Variants in NPC1 observed in about 807,000 individuals in gnomAD.
The protein encoded by NPC1 is NPC intracellular cholesterol transporter 1, also known as Niemann-Pick C1 protein.
NPC1 carries 85 observed loss-of-function variants against 140.4 expected under a neutral mutation model. The ratio of observed to expected loss-of-function variants is 0.61; its 90% confidence interval spans 0.51 to 0.72. The LOEUF is 0.72. Among genes scored for constraint, NPC1 ranks in the 30% least tolerant of loss-of-function variants. The pLI, the probability that NPC1 is intolerant of heterozygous loss-of-function variation, is 0.00. For missense variants in NPC1, 1,504 were observed against 1,623.8 expected, an observed-to-expected ratio of 0.93 and a Z score of 1.27; for synonymous variants, 656 against 624.8, an observed-to-expected ratio of 1.05 and a Z score of -0.74.
chr18:23,537,130 G>A (rs1269451885), intron 20 of NPC1, among the ~76,000 whole-genome samples: 3 of 152,140 alleles, frequency 2.0e-5, no homozygotes, highest in African/African-American at 7.2e-5. Context: ...GTGCAGTGGC[G>A]TGATCTCGGC....
intron 10 of NPC1, among the ~76,000 whole-genome samples, chr18:23,548,338 TC>T (rs998689072): frequency 2.9e-5 from 4 of 136,584 alleles, no homozygotes; most frequent in African/African-American, 1.3e-4. Flanking sequence ...GAAGAGTAAC[TC>T]TTTTTTTTTT....
At chr18:23,508,049 C>T in intron 3 of NPC1, 2 of 1,601,088 alleles carry the variant, frequency 1.2e-6, no homozygotes, top group Non-Finnish European at 1.7e-6. Context: ...AAGGTATGAC[C>T]CCAGGCCCTT....
chr18:23,523,962 C>G (rs2058219658), intron 1 of NPC1, among the ~76,000 whole-genome samples: 2 of 152,164 alleles, frequency 1.3e-5, no homozygotes, highest in Non-Finnish European at 2.9e-5. Flanking sequence ...TTCCCCCTTC[C>G]TCCCCGTACG....
intron 4 of NPC1, among the ~76,000 whole-genome samples, chr18:23,566,889 C>T (rs966645304): frequency 5.3e-5 from 8 of 152,188 alleles, no homozygotes; most frequent in Non-Finnish European, 1.0e-4. Context: ...ACTGTCTCCA[C>T]GGTTTTGCCT....
At position 23,554,871 on chromosome 18, in the gene NPC1, G is replaced by A. The variant is rs1376199501; in HGVS notation, c.1440C>T (p.Thr480=). The A allele has an allele frequency of 3.1e-6, 5 of 1,613,950 alleles. No individual in the cohort carries two copies. In the African/African-American group the frequency reaches 5.3e-5, roughly 17 times the overall value. ...GGAAGTAATTTAACACACTCAAAAT[G>A]GTGCAGTTCGTGTTATACGGTGAAA... The part of the protein sequence containing the change: ...APLSPYNTNC[T]ILSVLNYFQN... Residue 480 remains threonine (T), a synonymous_variant, in exon 9 of 25, where the codon ACC becomes ACT. Coordinates refer to ENST00000269228, the MANE Select transcript of NPC1 (RefSeq NM_000271.5).
At chr18:23,577,034 G>A (rs927953884) in intron 1 of NPC1, 4 of 152,208 alleles carry the variant, frequency 2.6e-5, no homozygotes, top group African/African-American at 9.7e-5. Flanking sequence ...GGCCTGTTTT[G>A]TCAGGGTGCT....
chr18:23,579,303 C>A (rs1458023202), intron 1 of NPC1, among the ~76,000 whole-genome samples: 3 of 152,186 alleles, frequency 2.0e-5, no homozygotes, highest in African/African-American at 7.2e-5. Context: ...GGTGTGTAAT[C>A]CTTCCTTTGA....
chr18:23,545,843 C>T (rs532238793), intron 11 of NPC1, among the ~76,000 whole-genome samples: 6 of 152,194 alleles, frequency 3.9e-5, no homozygotes, highest in Non-Finnish European at 8.8e-5. Flanking sequence ...ATTCCTCCTG[C>T]CTCCACATCC....
Position 23,540,449 on chromosome 18 carries a change from T to A in NPC1, c.2603A>T (p.Asp868Val), listed in dbSNP as rs1210438129. ...IGLDQSLSMP[D>V]DSYMVDYFKS... ...AAAAAAAAAAGGAAGTCATCTTACA[T>A]CTGGCATCGAAAGAGACTGATCCAA... Residue 868 changes from aspartate to valine, a missense_variant and splice_region_variant, in exon 17 of 25, where the codon GAT becomes GTT. Coordinates refer to ENST00000269228, the MANE Select transcript of NPC1 (RefSeq NM_000271.5). The A allele has an allele frequency of 1.3e-6, 2 of 1,558,894 alleles. No homozygotes were observed. Among genetic ancestry groups the A allele is most frequent in the Non-Finnish European group, 1.8e-6 (2 of 1,132,584 alleles).
At chr18:23,529,057 G>T, downstream of NPC1, 1 of 1,459,548 alleles carries the variant, frequency 6.9e-7, no homozygotes, top group Non-Finnish European at 9.1e-7. Context: ...TCTAAGTAGA[G>T]AAAGTGTTTT....
downstream of NPC1, among the ~76,000 whole-genome samples, chr18:23,517,527 A>G (rs778580179): frequency 3.7e-4 from 57 of 152,318 alleles, no homozygotes; most frequent in Middle Eastern, 0.017. Context: ...CACACAATAG[A>G]GACTAATAAA....
downstream of NPC1, among the ~76,000 whole-genome samples, chr18:23,525,007 C>T (rs1205090735): frequency 1.6e-5 from 2 of 124,234 alleles, no homozygotes; most frequent in Non-Finnish European, 1.6e-5. Context: ...AGTGCAATGG[C>T]GTGATCTTGG....
chr18:23,521,951 G>A (rs11872656), downstream of NPC1, among the ~76,000 whole-genome samples: 4,146 of 152,278 alleles, frequency 0.027, 153 homozygotes, highest in African/African-American at 0.095. Flanking sequence ...TGTGCAAGAC[G>A]TAGTCAGATG....
chr18:23,583,867 G>C (rs748667314), intron 1 of NPC1, among the ~76,000 whole-genome samples: 32 of 152,194 alleles, frequency 2.1e-4, no homozygotes, highest in Non-Finnish European at 3.5e-4. Context: ...CATCAGTCAA[G>C]GAGTGGGAAA....
chr18:23,586,439 G>C lies in NPC1; in HGVS notation c.-96C>G, dbSNP rs558091579. On this transcript the variant is annotated 5_prime_UTR_variant, in exon 1 of 25. Transcript: ENST00000269228. ...TCCCCGGGCTGTTTCAGCACCCCGC[G>C]CAGGAGGAGCGGAGGAGCAGGAGCA... 11 of 1,510,844 alleles carry C rather than the reference G, an allele frequency of 7.3e-6. No individual in the cohort carries two copies. The highest frequency in any genetic ancestry group is 9.7e-6 in the Non-Finnish European group (11 of 1,136,020). The allele number at this position is 1,510,844 out of a possible 1,614,324, so 93.6% of individuals were successfully genotyped here.
intron 8 of NPC1, 51 bp from the exon 9 acceptor site, chr18:23,555,035 C>G: frequency 1.7e-6 from 2 of 1,190,870 alleles, no homozygotes; most frequent in Non-Finnish European, 2.5e-6. Context: ...TCACATTTCT[C>G]TCAGATCTTG....
chr18:23,543,353 A>G, intron 14 of NPC1, 102 bp downstream of exon 14: 1 of 727,052 alleles, frequency 1.4e-6, no homozygotes, highest in Non-Finnish European at 2.4e-6. Context: ...AAAAGAAAAA[A>G]AAAAAAAGGA....
intron 1 of NPC1, among the ~76,000 whole-genome samples, chr18:23,583,106 CAAAAAAAAAA>C (rs3083464): frequency 1.8e-5 from 2 of 109,974 alleles, no homozygotes; most frequent in East Asian, 2.6e-4. Flanking sequence ...GACCCTGTTT[CAAAAAAAAAA>C]AAAAAAAAAA....
rs781541939 is a variant in NPC1 at position 23,586,482 on chromosome 18, C to T, written c.-139G>A. ...CAGGAGCAGGCGCTGACCGCGGCAGCAGGCTGCGCGCGCCGGTCAGGAAGG... is the reference window on the plus strand; with the variant it reads ...CAGGAGCAGGCGCTGACCGCGGCAGTAGGCTGCGCGCGCCGGTCAGGAAGG... On this transcript the variant is annotated 5_prime_UTR_variant, in exon 1 of 25. Coordinates refer to ENST00000269228, the MANE Select transcript of NPC1 (RefSeq NM_000271.5). 642 of 1,430,000 alleles carry T rather than the reference C, an allele frequency of 4.5e-4. No individual in the cohort carries two copies. Among genetic ancestry groups the T allele is most frequent in the Non-Finnish European group, 5.5e-4 (603 of 1,099,960 alleles). The allele number at this position is 1,430,000 out of a possible 1,614,324, so 88.6% of individuals were successfully genotyped here.
Sources: allele counts gnomAD v4.1 joint callset (sites outside exome capture counted in the v4.1 genomes callset), GRCh38; gene constraint gnomAD v4.1.1; transcripts MANE v1.5; gene names NCBI Gene and HGNC (gene_info 2026-07-23, HGNC 2026-07-21).